LRP1B: variants seen among roughly 807,000 people sequenced by gnomAD.
LRP1B encodes the protein low-density lipoprotein receptor-related protein 1B.
In LRP1B, 217 loss-of-function variants were observed where a neutral mutation model predicts 556.6. That is an observed-to-expected ratio of 0.39 (90% CI 0.35 to 0.44). The LOEUF (loss-of-function observed/expected upper bound fraction) is 0.44, where lower values mean the gene tolerates loss of function less well. Ranked by LOEUF, LRP1B falls within the 20% of genes least tolerant of loss-of-function variation. LRP1B has a pLI of 1.00. For missense variants in LRP1B, 5,053 were observed against 5,620.8 expected (o/e 0.90, Z 3.23); for synonymous variants, 2,047 against 1,865.8 (o/e 1.10, Z -2.50).
intron 2 of LRP1B, among the ~76,000 whole-genome samples, chr2:141,554,183 T>C (rs1258322862): frequency 6.9e-6 from 1 of 145,834 alleles, no homozygotes; most frequent in African/African-American, 2.5e-5. Context: ...TGAATAGACC[T>C]AGATATGGGT....
intron 35 of LRP1B, among the ~76,000 whole-genome samples, chr2:140,741,772 A>G (rs1248480668): frequency 6.7e-6 from 1 of 148,290 alleles, no homozygotes; most frequent in Non-Finnish European, 1.5e-5. Flanking sequence ...CATTTAACAT[A>G]ATATTAGGCC....
chr2:140,318,382 G>A (rs1480030504), intron 82 of LRP1B, among the ~76,000 whole-genome samples: 1 of 152,000 alleles, frequency 6.6e-6, no homozygotes, highest in South Asian at 2.1e-4. Context: ...TGCCTTTTAA[G>A]CAGGGTTGAA....
At chr2:142,029,207 C>T (rs1239760371) in intron 1 of LRP1B, among the ~76,000 whole-genome samples, 1 of 151,776 alleles carries the variant, frequency 6.6e-6, no homozygotes, top group Non-Finnish European at 1.5e-5. Context: ...GAGGGTAAGA[C>T]CTAGAACCTA....
intron 37 of LRP1B, among the ~76,000 whole-genome samples, chr2:140,713,686 G>T (rs532703415): frequency 6.6e-6 from 1 of 152,104 alleles, no homozygotes; most frequent in East Asian, 1.9e-4. Context: ...GACCCAAGTT[G>T]TCTTCCAGAC....
intron 7 of LRP1B, among the ~76,000 whole-genome samples, chr2:141,174,589 C>G (rs1680654810): frequency 6.6e-6 from 1 of 152,048 alleles, no homozygotes; most frequent in Non-Finnish European, 1.5e-5. Flanking sequence ...TTCCTGAGGC[C>G]TCTCAGACAT....
At chr2:141,728,672 G>T (rs1345510196) in intron 2 of LRP1B, among the ~76,000 whole-genome samples, 1 of 151,908 alleles carries the variant, frequency 6.6e-6, no homozygotes, top group Non-Finnish European at 1.5e-5. Flanking sequence ...TAATACTTTG[G>T]GCCTCCTAGT....
chr2:141,428,971 A>G (rs1185616874), intron 3 of LRP1B, among the ~76,000 whole-genome samples: 4 of 152,050 alleles, frequency 2.6e-5, no homozygotes, highest in Non-Finnish European at 5.9e-5. Context: ...CTAAACCATA[A>G]TCTCTGGGCT....
At chr2:140,441,065 C>T (rs1257764119) in intron 66 of LRP1B, among the ~76,000 whole-genome samples, 4 of 151,972 alleles carry the variant, frequency 2.6e-5, no homozygotes, top group Non-Finnish European at 4.4e-5. Flanking sequence ...CACTCTAAAG[C>T]TTTTAACATA....
At chr2:140,679,059 G>A (rs1336244390) in intron 41 of LRP1B, among the ~76,000 whole-genome samples, 2 of 152,266 alleles carry the variant, frequency 1.3e-5, no homozygotes, top group South Asian at 2.1e-4. Context: ...CTACAGGCAT[G>A]AGCCACCACG....
At chr2:141,508,419 C>T (rs1684009220) in intron 2 of LRP1B, among the ~76,000 whole-genome samples, 1 of 152,168 alleles carries the variant, frequency 6.6e-6, no homozygotes, top group African/African-American at 2.4e-5. Flanking sequence ...AAATGGTTGA[C>T]ACTTTTCCAG....
At chr2:140,412,786 A>G (rs1685020749) in intron 66 of LRP1B, among the ~76,000 whole-genome samples, 1 of 152,090 alleles carries the variant, frequency 6.6e-6, no homozygotes, top group Non-Finnish European at 1.5e-5. Flanking sequence ...TTTACATTCT[A>G]TCATACCATT....
rs1219126288 is a variant in LRP1B, at chr2:141,652,219, G to A, written c.205+158060C>T. Among the ~76,000 whole-genome samples the A allele has an allele frequency of 7.2e-5, 11 of 152,226 alleles. No individual in the cohort carries two copies. The South Asian group carries it at 1.2e-3, about 17-fold the overall frequency. On this transcript the variant is annotated intron_variant, in intron 2 of 90. Coordinates refer to ENST00000389484, the MANE Select transcript of LRP1B (RefSeq NM_018557.3). ...ATTTTCTTTTACGCTTTCTCATTGA[G>A]AGGATTCTCTCCCATTTCTTAAGAG... is the stretch of plus-strand genomic sequence containing the variant.
intron 67 of LRP1B, among the ~76,000 whole-genome samples, chr2:140,380,690 A>G (rs988782393): frequency 2.0e-5 from 3 of 152,168 alleles, no homozygotes; most frequent in African/African-American, 7.2e-5. Flanking sequence ...TAATGTTCTA[A>G]TTTGCCTTTA....
At chr2:140,666,957 AT>A (rs1371005822) in intron 41 of LRP1B, among the ~76,000 whole-genome samples, 4 of 152,200 alleles carry the variant, frequency 2.6e-5, no homozygotes, top group Non-Finnish European at 5.9e-5. Context: ...AAGGCATAAC[AT>A]TTTTTTAAAA....
chr2:141,534,569 ACT>A (rs1315585638), intron 2 of LRP1B, among the ~76,000 whole-genome samples: 1 of 152,076 alleles, frequency 6.6e-6, no homozygotes, highest in Non-Finnish European at 1.5e-5. Flanking sequence ...TAAATAAGCC[ACT>A]GTCTTTCCAG....
chr2:140,447,812 C>T lies in LRP1B; in HGVS notation c.10057+2756G>A, dbSNP rs116396636. 9.5e-4 allele frequency among the ~76,000 whole-genome samples: 144 copies of T among 152,116 alleles called. 1 individual carries two copies. The highest frequency in any genetic ancestry group is 3.1e-3 in the African/African-American group (127 of 41,524). ...GAGAGACATGAAATTCTTCCTTTCG[C>T]TGGAACACTTAGAGACCATTGTGGG... is the stretch of plus-strand genomic sequence containing the variant. On this transcript the variant is annotated intron_variant, in intron 63 of 90. Coordinates refer to ENST00000389484, the MANE Select transcript of LRP1B (RefSeq NM_018557.3).
intron 1 of LRP1B, among the ~76,000 whole-genome samples, chr2:142,008,582 T>C (rs1005131698): frequency 9.2e-5 from 14 of 151,956 alleles, no homozygotes; most frequent in African/African-American, 2.7e-4. Flanking sequence ...CTGGCTTCCA[T>C]TATCCCTAAC....
At chr2:141,724,056 C>A (rs1018263219) in intron 2 of LRP1B, among the ~76,000 whole-genome samples, 1 of 151,858 alleles carries the variant, frequency 6.6e-6, no homozygotes, top group Admixed American at 6.6e-5. Context: ...AAGACCTGTA[C>A]CAGATAAGAA....
At chr2:140,600,525 A>G (rs1437316703) in intron 42 of LRP1B, among the ~76,000 whole-genome samples, 1 of 152,092 alleles carries the variant, frequency 6.6e-6, no homozygotes, top group East Asian at 1.9e-4. Context: ...GTCAGTGATT[A>G]TCTGTCATTG....
Sources: gnomAD v4.1 joint callset for allele counts (sites outside exome capture counted in the v4.1 genomes callset) on GRCh38, gnomAD v4.1.1 for gene constraint, MANE v1.5 for transcripts, NCBI Gene and HGNC (gene_info 2026-07-23, HGNC 2026-07-21) for gene names.